GNA11: variants seen among roughly 807,000 people sequenced by gnomAD.
The protein encoded by GNA11 is G protein subunit alpha 11.
A neutral mutation model predicts 38.2 loss-of-function variants in GNA11; 8 were observed. The observed-to-expected ratio is 0.21, with a 90% CI of 0.12 to 0.38. The LOEUF (loss-of-function observed/expected upper bound fraction) is 0.38. Among genes scored for constraint, GNA11 ranks in the 10% least tolerant of loss-of-function variants. GNA11 has a pLI of 1.00. For missense variants in GNA11, 268 were observed against 516.3 expected, an observed-to-expected ratio of 0.52 and a Z score of 4.66; for synonymous variants, 211 against 221.4, an observed-to-expected ratio of 0.95 and a Z score of 0.42.
In GNA11 at chr19:3,120,432, G is replaced by A. The variant is rs1003646271; in HGVS notation, c.890-557G>A. On this transcript the variant is annotated intron_variant, in intron 6 of 6. Transcript: ENST00000078429. The surrounding 1 kb of genome is among the most constrained non-coding windows in gnomAD (Gnocchi z 5.9). ...GAACACCCCCAGGGGCCTTTCCACC[G>A]GGGCAGGCAGGAGTTACTGGGCGGG... 1.8e-4 allele frequency among the ~76,000 whole-genome samples: 27 copies of A among 152,130 alleles called. No homozygotes were observed. Among genetic ancestry groups the A allele is most frequent in the African/African-American group, 5.1e-4 (21 of 41,436 alleles).
intron 1 of GNA11, among the ~76,000 whole-genome samples, chr19:3,104,394 C>G (rs1425987515): frequency 6.6e-6 from 1 of 152,176 alleles, no homozygotes; most frequent in African/African-American, 2.4e-5. Flanking sequence ...TGAGGATGTA[C>G]CTCCTGCAGG....
At chr19:3,113,895 T>G (rs1373844255) in intron 3 of GNA11, among the ~76,000 whole-genome samples, 4 of 152,154 alleles carry the variant, frequency 2.6e-5, no homozygotes, top group African/African-American at 9.7e-5. Context: ...CAGAGCCACG[T>G]CTCCCACTAG....
intron 1 of GNA11, among the ~76,000 whole-genome samples, chr19:3,095,855 G>C (rs1913350475): frequency 1.3e-5 from 2 of 152,106 alleles, no homozygotes; most frequent in Admixed American, 1.3e-4. Flanking sequence ...GAGAAGGTTT[G>C]CTGGTGAACC....
rs1914019703 is a variant in GNA11, at chr19:3,119,725, G to A, written c.889+366G>A. On this transcript the variant is annotated intron_variant, in intron 6 of 6. Coordinates refer to ENST00000078429, the MANE Select transcript of GNA11 (RefSeq NM_002067.5). The surrounding 1 kb of genome is among the most constrained non-coding windows in gnomAD (Gnocchi z 4.6). Reference sequence around the variant, plus strand: ...TGTATTGGTGGGTCTTGTACGGGAGGGAGTTGTCGTATGGGGGTGTCCTGT... The same window carrying A: ...TGTATTGGTGGGTCTTGTACGGGAGAGAGTTGTCGTATGGGGGTGTCCTGT... Among the ~76,000 whole-genome samples, 1 of 151,680 alleles carries A rather than the reference G, an allele frequency of 6.6e-6. No individual in the cohort carries two copies. The highest frequency in any genetic ancestry group is 2.1e-4 in the South Asian group (1 of 4,802).
chr19:3,120,058 C>T lies in GNA11; in HGVS notation c.889+699C>T, dbSNP rs893180687. 6.6e-6 allele frequency among the ~76,000 whole-genome samples: 1 copy of T among 152,078 alleles called. No homozygotes were observed. The highest frequency in any genetic ancestry group is 1.5e-5 in the Non-Finnish European group (1 of 67,972). ...TGTCACCACTCAGAGCTGTCCCTGC[C>T]AGGCACAGTGAGGCCCTGGGCAGCT... On this transcript the variant is annotated intron_variant, in intron 6 of 6. Transcript: ENST00000078429. This position sits in a 1 kb window ranked among gnomAD's most constrained non-coding sequence, Gnocchi z 5.9.
chr19:3,112,167 C>T (rs997614161), intron 2 of GNA11, among the ~76,000 whole-genome samples: 6 of 152,376 alleles, frequency 3.9e-5, no homozygotes, highest in Admixed American at 3.9e-4. Context: ...TCTGCAGAAG[C>T]AGATTGCTGC....
At chr19:3,100,203 A>C (rs567849321) in intron 1 of GNA11, among the ~76,000 whole-genome samples, 1 of 152,164 alleles carries the variant, frequency 6.6e-6, no homozygotes, top group South Asian at 2.1e-4. Flanking sequence ...TTTACACTGG[A>C]TCGTTCTCTG....
Position 3,122,887 on chromosome 19 carries a change from G to C in GNA11, c.*1708G>C. On this transcript the variant is annotated 3_prime_UTR_variant, in exon 7 of 7. Coordinates refer to ENST00000078429, the MANE Select transcript of GNA11 (RefSeq NM_002067.5). The surrounding 1 kb of genome is among the most constrained non-coding windows in gnomAD (Gnocchi z 7.7). ...CCGTGGAAGGGTCAGGGGAGACCAG[G>C]TCAGGGCAGCTACATTTCTGGTGAT... 1 of 233,456 alleles carries C rather than the reference G, an allele frequency of 4.3e-6. No homozygotes were observed. The highest frequency in any genetic ancestry group is 1.8e-4 in the South Asian group (1 of 5,538). The allele number at this position is 233,456 out of a possible 1,614,324, so 14.5% of individuals were successfully genotyped here. A position where few individuals can be genotyped will look rare whatever the true frequency, so the allele number is the denominator to read the frequency against.
chr19:3,096,444 A>G (rs375425642), intron 1 of GNA11, among the ~76,000 whole-genome samples: 2 of 152,204 alleles, frequency 1.3e-5, no homozygotes, highest in East Asian at 3.9e-4. Flanking sequence ...TGTCATAAAG[A>G]TCTTACCAGA....
chr19:3,103,585 G>A (rs1913561364), intron 1 of GNA11, among the ~76,000 whole-genome samples: 1 of 136,262 alleles, frequency 7.3e-6, no homozygotes, highest in Admixed American at 8.0e-5. Context: ...AGGCTGGAGT[G>A]CAGTGGTAGA....
intron 2 of GNA11, 144 bp from the exon 3 acceptor site, chr19:3,113,186 C>G: frequency 1.4e-6 from 1 of 724,204 alleles, no homozygotes; most frequent in South Asian, 1.7e-5. Flanking sequence ...CACGTGTTCA[C>G]ACGGAACTGT....
chr19:3,116,461 TCCTTGGCATCCTTGGC>T (rs1913925323), intron 4 of GNA11, among the ~76,000 whole-genome samples: 1 of 146,902 alleles, frequency 6.8e-6, no homozygotes, highest in African/African-American at 2.7e-5. Flanking sequence ...ATCCTTGGCA[TCCTTGGCATCCTTGGC>T]ATCCTTGGCT....
rs746363163 is a variant in GNA11, at chr19:3,122,312, C to T, written c.*1133C>T. 3.9e-5 allele frequency: 9 copies of T among 232,494 alleles called. No homozygotes were observed. The highest frequency in any genetic ancestry group is 7.7e-5 in the Non-Finnish European group (9 of 117,566). 14.4% of individuals were successfully genotyped at this position (232,494 alleles called of 1,614,324 possible). On this transcript the variant is annotated 3_prime_UTR_variant, in exon 7 of 7. Transcript: ENST00000078429. The surrounding 1 kb of genome is among the most constrained non-coding windows in gnomAD (Gnocchi z 7.7). ...GCCTTGTCCCAAGCACTTGCGCCCG[C>T]CCCCGAGCGCCGCCCCCGGGGAGCG...
At position 3,119,568 on chromosome 19, in the gene GNA11, C is replaced by T. The variant is rs1183312375; in HGVS notation, c.889+209C>T. Among the ~76,000 whole-genome samples, 1 of 142,542 alleles carries T rather than the reference C, an allele frequency of 7.0e-6. No individual in the cohort carries two copies. The highest frequency in any genetic ancestry group is 1.5e-5 in the Non-Finnish European group (1 of 65,674). 93.5% of individuals were successfully genotyped at this position (142,542 alleles called of 152,430 possible). A position where few individuals can be genotyped will look rare whatever the true frequency, so the allele number is the denominator to read the frequency against. On this transcript the variant is annotated intron_variant, in intron 6 of 6. Coordinates refer to ENST00000078429, the MANE Select transcript of GNA11 (RefSeq NM_002067.5). This position sits in a 1 kb window ranked among gnomAD's most constrained non-coding sequence, Gnocchi z 4.6. Reference sequence around the variant, plus strand: ...AATGAGTTCTCCGACGCGGGTGTCTCATACCCGTGGGAGATCTGTTAATGC... The same window carrying T: ...AATGAGTTCTCCGACGCGGGTGTCTTATACCCGTGGGAGATCTGTTAATGC...
Position 3,119,451 on chromosome 19 carries a change from G to A in GNA11, c.889+92G>A. 1 of 1,216,212 alleles carries A rather than the reference G, an allele frequency of 8.2e-7. No homozygotes were observed. The highest frequency in any genetic ancestry group is 1.2e-6 in the Non-Finnish European group (1 of 857,206). The allele number at this position is 1,216,212 out of a possible 1,614,324, so 75.3% of individuals were successfully genotyped here. On this transcript the variant is annotated intron_variant, in intron 6 of 6. Coordinates refer to ENST00000078429, the MANE Select transcript of GNA11 (RefSeq NM_002067.5). The surrounding 1 kb of genome is among the most constrained non-coding windows in gnomAD (Gnocchi z 4.6). ...TGGGAGAGGGGCTCATACAGGCCGG[G>A]AGCTCTAAGGGAGGGCGTCTGATGG...
intron 4 of GNA11, chr19:3,118,681 T>TG (rs1913985777): frequency 2.1e-6 from 1 of 481,484 alleles, no homozygotes; most frequent in East Asian, 3.2e-5. Flanking sequence ...TAGCGCCCGC[T>TG]TCCCTGGGCC....
chr19:3,103,338 G>A (rs529099716), intron 1 of GNA11, among the ~76,000 whole-genome samples: 24 of 151,390 alleles, frequency 1.6e-4, no homozygotes, highest in Admixed American at 5.3e-4. Flanking sequence ...TCAGCCTCCC[G>A]AGAAGCTGGG....
rs1868969228 is a variant in GNA11, at chr19:3,121,925, C to T, written c.*746C>T. On this transcript the variant is annotated 3_prime_UTR_variant, in exon 7 of 7. Coordinates refer to ENST00000078429, the MANE Select transcript of GNA11 (RefSeq NM_002067.5). ...TGGGCCCTCTCTCATGGCCGGGTTC[C>T]CCGTCCCTCTGCAGAGGCTGGGAAG... The T allele has an allele frequency of 4.3e-6, 1 of 232,966 alleles. No individual in the cohort carries two copies. The highest frequency in any genetic ancestry group is 1.8e-4 in the South Asian group (1 of 5,538). The allele number at this position is 232,966 out of a possible 1,614,324, so 14.4% of individuals were successfully genotyped here. A position where few individuals can be genotyped will look rare whatever the true frequency, so the allele number is the denominator to read the frequency against.
At position 3,122,616 on chromosome 19, in the gene GNA11, G is replaced by A. The variant is rs1234504480; in HGVS notation, c.*1437G>A. On this transcript the variant is annotated 3_prime_UTR_variant, in exon 7 of 7. Coordinates refer to ENST00000078429, the MANE Select transcript of GNA11 (RefSeq NM_002067.5). The surrounding 1 kb of genome is among the most constrained non-coding windows in gnomAD (Gnocchi z 7.7). ...TCTGCTGTTGACTGAACACTACAGC[G>A]CCCTGTGGTTCCGGGCTTCGCACAG... The A allele has an allele frequency of 3.0e-5, 7 of 233,262 alleles. No homozygotes were observed. Among genetic ancestry groups the A allele is most frequent in the Non-Finnish European group, 4.2e-5 (5 of 118,140 alleles). The allele number at this position is 233,262 out of a possible 1,614,324, so 14.4% of individuals were successfully genotyped here.
Sources: gnomAD v4.1 joint callset for allele counts (sites outside exome capture counted in the v4.1 genomes callset) on GRCh38, gnomAD v4.1.1 for gene constraint, Gnocchi (gnomAD v3.1) non-coding constraint, MANE v1.5 for transcripts, NCBI Gene and HGNC (gene_info 2026-07-23, HGNC 2026-07-21) for gene names.